NTM: variants seen among roughly 807,000 people sequenced by gnomAD.
NTM encodes IgLON family member 2.
NTM carries 13 observed loss-of-function variants against 42.1 expected under a neutral mutation model. The observed-to-expected ratio is 0.31, with a 90% CI of 0.20 to 0.49. The LOEUF (loss-of-function observed/expected upper bound fraction) is 0.49, where lower values mean the gene tolerates loss of function less well. NTM is among the 20% of genes least tolerant of loss of function. NTM has a pLI of 0.99. For missense variants in NTM, 373 were observed against 452.8 expected, an observed-to-expected ratio of 0.82 and a Z score of 1.60; for synonymous variants, 187 against 179.2, an observed-to-expected ratio of 1.04 and a Z score of -0.35.
At position 132,335,187 on chromosome 11, in the gene NTM, C is replaced by T; in HGVS notation, c.*41C>T. ...CCCACCCGGGAAAGGCTGCCGCCACCACCACCACCAACACAACAGCAATGG... is the reference window on the plus strand; with the variant it reads ...CCCACCCGGGAAAGGCTGCCGCCACTACCACCACCAACACAACAGCAATGG... On this transcript the variant is annotated 3_prime_UTR_variant, in exon 9 of 9. Coordinates refer to ENST00000683400, the MANE Select transcript of NTM (RefSeq NM_001352005.2). 4 of 1,606,766 alleles carry T rather than the reference C, an allele frequency of 2.5e-6. No homozygotes were observed.
At chr11:132,083,281 T>C (rs915309527) in intron 2 of NTM, among the ~76,000 whole-genome samples, 6 of 152,224 alleles carry the variant, frequency 3.9e-5, no homozygotes, top group African/African-American at 1.4e-4. Flanking sequence ...AGAATTTCTC[T>C]CTCCAGTCCT....
At chr11:132,140,814 A>C (rs1181321915) in intron 2 of NTM, among the ~76,000 whole-genome samples, 1 of 152,162 alleles carries the variant, frequency 6.6e-6, no homozygotes, top group South Asian at 2.1e-4. Flanking sequence ...ATGTTCCCCT[A>C]TGATGCTTGA....
chr11:131,988,089 C>T (rs540238741), intron 2 of NTM, among the ~76,000 whole-genome samples: 53 of 152,312 alleles, frequency 3.5e-4, no homozygotes, highest in African/African-American at 1.3e-3. Flanking sequence ...AGTCCATTTC[C>T]TCAGATGGTG....
At chr11:131,851,397 G>A (rs1406413604) in intron 1 of NTM, among the ~76,000 whole-genome samples, 2 of 151,998 alleles carry the variant, frequency 1.3e-5, no homozygotes, top group African/African-American at 4.8e-5. Flanking sequence ...CCCGCTAATA[G>A]AAAAAAATAT....
intron 2 of NTM, among the ~76,000 whole-genome samples, chr11:132,015,815 T>C (rs1482007619): frequency 6.6e-6 from 1 of 151,970 alleles, no homozygotes; most frequent in Non-Finnish European, 1.5e-5. Flanking sequence ...ATAGGTTTTT[T>C]GGTGGCATCT....
At chr11:132,127,525 C>T (rs1481942667) in intron 2 of NTM, among the ~76,000 whole-genome samples, 3 of 152,336 alleles carry the variant, frequency 2.0e-5, no homozygotes, top group Non-Finnish European at 4.4e-5. Flanking sequence ...CTTTGCCCAC[C>T]TTTTTAATGA....
Position 131,961,529 on chromosome 11 carries a change from G to T in NTM, c.167+49881G>T, listed in dbSNP as rs537952928. ...TGCTAGACTGAAGATACTCTGGAAA[G>T]CCTAGCACATGACACAGGTTGGTCT... On this transcript the variant is annotated intron_variant, in intron 2 of 8. Transcript: ENST00000683400. 3.3e-5 allele frequency among the ~76,000 whole-genome samples: 5 copies of T among 152,294 alleles called. No individual in the cohort carries two copies. In the East Asian group the frequency reaches 9.7e-4, roughly 29 times the overall value.
chr11:131,737,919 C>G (rs1212479378), intron 1 of NTM, among the ~76,000 whole-genome samples: 10 of 152,150 alleles, frequency 6.6e-5, no homozygotes, highest in African/African-American at 2.4e-4. Flanking sequence ...TAAATGGTCT[C>G]TTTTTTGATA....
intron 1 of NTM, among the ~76,000 whole-genome samples, chr11:131,691,382 C>A (rs2074682328): frequency 6.6e-6 from 1 of 152,226 alleles, no homozygotes; most frequent in Admixed American, 6.5e-5. Flanking sequence ...GCGGCCGCTC[C>A]TTTTCCGCCC....
chr11:131,866,819 G>A (rs553561134), intron 1 of NTM, among the ~76,000 whole-genome samples: 34 of 152,272 alleles, frequency 2.2e-4, no homozygotes, highest in South Asian at 6.2e-4. Flanking sequence ...CTACAATGTC[G>A]TGATTTTTTT....
chr11:132,066,384 T>A (rs2056490704), intron 2 of NTM, among the ~76,000 whole-genome samples: 1 of 152,228 alleles, frequency 6.6e-6, no homozygotes, highest in Non-Finnish European at 1.5e-5. Context: ...GACCCTTCTA[T>A]AGGTTGATTC....
intron 1 of NTM, among the ~76,000 whole-genome samples, chr11:131,815,315 T>A (rs911456475): frequency 4.6e-5 from 7 of 152,130 alleles, no homozygotes; most frequent in Non-Finnish European, 1.0e-4. Context: ...CGTGCCCGCC[T>A]CAGCTCTCTG....
intron 1 of NTM, among the ~76,000 whole-genome samples, chr11:131,665,318 C>T (rs1299482459): frequency 1.3e-5 from 2 of 152,078 alleles, no homozygotes; most frequent in African/African-American, 4.8e-5. Context: ...AAGTAGAGAT[C>T]CCTGGCAAGT....
intron 4 of NTM, among the ~76,000 whole-genome samples, chr11:132,224,339 C>T (rs540748988): frequency 2.0e-4 from 31 of 152,108 alleles, no homozygotes; most frequent in African/African-American, 7.0e-4. Flanking sequence ...GTGGGTGTTC[C>T]AGAGAGCCCA....
intron 1 of NTM, among the ~76,000 whole-genome samples, chr11:131,403,284 C>T (rs1051437817): frequency 6.6e-6 from 1 of 152,166 alleles, no homozygotes; most frequent in Non-Finnish European, 1.5e-5. Context: ...TACAGCACAT[C>T]ACCTACACAT....
intron 2 of NTM, among the ~76,000 whole-genome samples, chr11:132,082,768 C>G (rs1258862425): frequency 2.0e-5 from 3 of 152,168 alleles, no homozygotes; most frequent in African/African-American, 7.2e-5. Context: ...GCCTAAGGGT[C>G]CCTGGTAAAA....
chr11:131,956,613 G>C (rs538754217), intron 2 of NTM, among the ~76,000 whole-genome samples: 3 of 151,948 alleles, frequency 2.0e-5, no homozygotes, highest in African/African-American at 7.3e-5. Flanking sequence ...GGTTGGGGGT[G>C]GGGGAGCTGA....
chr11:132,311,494 A>T (rs1176733783), intron 6 of NTM, among the ~76,000 whole-genome samples: 1 of 152,190 alleles, frequency 6.6e-6, no homozygotes, highest in Non-Finnish European at 1.5e-5. Context: ...CCCTTCTTCC[A>T]AGAAAGAAGA....
intron 1 of NTM, among the ~76,000 whole-genome samples, chr11:131,711,638 C>T (rs2077144788): frequency 1.3e-5 from 2 of 151,990 alleles, no homozygotes; most frequent in African/African-American, 2.4e-5. Flanking sequence ...TGGGTATATA[C>T]CCAAAGGACT....
Sources: allele counts gnomAD v4.1 joint callset (sites outside exome capture counted in the v4.1 genomes callset), GRCh38; gene constraint gnomAD v4.1.1; transcripts MANE v1.5; gene names NCBI Gene and HGNC (gene_info 2026-07-23, HGNC 2026-07-21).